THSD4: variants seen among roughly 807,000 people sequenced by gnomAD.
THSD4 encodes thrombospondin type 1 domain containing 4, also known as thrombospondin type-1 domain-containing protein 4.
THSD4 carries 69 observed loss-of-function variants against 119.0 expected under a neutral mutation model. The observed-to-expected ratio is 0.58, with a 90% CI of 0.48 to 0.71. The LOEUF (loss-of-function observed/expected upper bound fraction) is 0.71. Among genes scored for constraint, THSD4 ranks in the 30% least tolerant of loss-of-function variants. The probability of loss-of-function intolerance (pLI) is 0.00; values close to 1 mark genes in which losing one functional copy is unlikely to be tolerated. For missense variants in THSD4, 1,393 were observed against 1,391.1 expected (o/e 1.00, Z -0.02); for synonymous variants, 524 against 540.4 (o/e 0.97, Z 0.42).
At chr15:71,717,023 A>G (rs2052623866) in intron 8 of THSD4, among the ~76,000 whole-genome samples, 1 of 152,212 alleles carries the variant, frequency 6.6e-6, no homozygotes, top group Non-Finnish European at 1.5e-5. Context: ...TCTCTGTGCC[A>G]GGAGGAAGAT....
intron 7 of THSD4, among the ~76,000 whole-genome samples, chr15:71,585,658 A>G (rs2049652460): frequency 6.6e-6 from 1 of 152,096 alleles, no homozygotes. Context: ...TTATTTCTCT[A>G]AACAAGTTTT....
At chr15:71,186,090 G>A (rs2141431674) in intron 3 of THSD4, 1 of 152,276 alleles carries the variant, frequency 6.6e-6, no homozygotes, top group East Asian at 1.9e-4. Context: ...GGAAGAAATT[G>A]AGACTCAAAG....
At chr15:71,602,553 C>CAAAAAAAAAAAAAAAAAAAAAAAA (rs59370074) in intron 7 of THSD4, among the ~76,000 whole-genome samples, 1 of 53,878 alleles carries the variant, frequency 1.9e-5, no homozygotes, top group Admixed American at 3.2e-4. Flanking sequence ...AACTCTGTCT[C>CAAAAAAAAAAAAAAAAAAAAAAAA]AAAAAAAAAA....
intron 7 of THSD4, among the ~76,000 whole-genome samples, chr15:71,550,651 A>G (rs1202099520): frequency 6.6e-6 from 1 of 152,200 alleles, no homozygotes; most frequent in Non-Finnish European, 1.5e-5. Flanking sequence ...TGTGTTAGCC[A>G]GGATGGTCTC....
chr15:71,659,627 G>C (rs1035100988), intron 7 of THSD4, among the ~76,000 whole-genome samples: 1 of 152,082 alleles, frequency 6.6e-6, no homozygotes, highest in South Asian at 2.1e-4. Flanking sequence ...GCCCAGGCTG[G>C]TCTCAAAGTC....
intron 7 of THSD4, among the ~76,000 whole-genome samples, chr15:71,490,781 G>C (rs113656082): frequency 6.6e-6 from 1 of 151,982 alleles, no homozygotes; most frequent in Non-Finnish European, 1.5e-5. Context: ...GGCAAACTAC[G>C]GTCAATGGGC....
intron 1 of THSD4, among the ~76,000 whole-genome samples, chr15:71,127,669 T>C (rs941453423): frequency 2.0e-5 from 3 of 152,252 alleles, no homozygotes; most frequent in African/African-American, 7.2e-5. Flanking sequence ...AGGTTAGCAA[T>C]GTTGAGGATC....
At chr15:71,717,287 A>G (rs1370845359) in intron 8 of THSD4, among the ~76,000 whole-genome samples, 1 of 152,244 alleles carries the variant, frequency 6.6e-6, no homozygotes, top group Non-Finnish European at 1.5e-5. Flanking sequence ...GGTGAATGCC[A>G]TGGAATTCTA....
chr15:71,320,403 G>A (rs896801006), intron 6 of THSD4, among the ~76,000 whole-genome samples: 2 of 152,272 alleles, frequency 1.3e-5, no homozygotes, highest in East Asian at 3.9e-4. Flanking sequence ...CTCACGAGCA[G>A]GTCCATTTTC....
chr15:71,324,469 C>G (rs1402897225), intron 6 of THSD4, among the ~76,000 whole-genome samples: 3 of 152,062 alleles, frequency 2.0e-5, no homozygotes, highest in African/African-American at 7.2e-5. Context: ...CCCATCCTCC[C>G]CATTTTGAGT....
chr15:71,135,344 C>G (rs1211673724), intron 1 of THSD4, among the ~76,000 whole-genome samples: 2 of 145,558 alleles, frequency 1.4e-5, no homozygotes, highest in Non-Finnish European at 1.5e-5. Flanking sequence ...GCACATGTAC[C>G]CTAAAACTTA....
intron 7 of THSD4, among the ~76,000 whole-genome samples, chr15:71,531,575 T>A (rs1378818018): frequency 2.0e-5 from 3 of 152,230 alleles, no homozygotes; most frequent in Non-Finnish European, 4.4e-5. Context: ...TGCTGCAGAC[T>A]TGTCATGTGA....
chr15:71,105,259 C>A (rs1475040033), intron 1 of THSD4, among the ~76,000 whole-genome samples: 1 of 152,176 alleles, frequency 6.6e-6, no homozygotes, highest in Non-Finnish European at 1.5e-5. Context: ...ACCTTCTCAG[C>A]AATACTTTGC....
At chr15:71,457,854 C>T (rs2047362715) in intron 7 of THSD4, among the ~76,000 whole-genome samples, 1 of 152,212 alleles carries the variant, frequency 6.6e-6, no homozygotes, top group African/African-American at 2.4e-5. Flanking sequence ...CTGTCTTCCT[C>T]TCCAGAATGT....
chr15:71,427,633 G>A (rs1396870249), intron 7 of THSD4, among the ~76,000 whole-genome samples: 1 of 149,152 alleles, frequency 6.7e-6, no homozygotes, highest in East Asian at 2.0e-4. Flanking sequence ...CAGGATAGAA[G>A]TTGAGGTGAC....
chr15:71,760,300 A>G (rs558051100), intron 15 of THSD4, among the ~76,000 whole-genome samples: 7 of 152,302 alleles, frequency 4.6e-5, no homozygotes, highest in African/African-American at 1.4e-4. Flanking sequence ...GGCCCTACTG[A>G]GGCTTGTGCA....
At chr15:71,606,056 C>G (rs1484404066) in intron 7 of THSD4, among the ~76,000 whole-genome samples, 1 of 152,220 alleles carries the variant, frequency 6.6e-6, no homozygotes, top group African/African-American at 2.4e-5. Flanking sequence ...AAGGACTCAT[C>G]ATTGGCCATC....
intron 7 of THSD4, among the ~76,000 whole-genome samples, chr15:71,461,662 C>T (rs772155100): frequency 2.6e-5 from 4 of 152,100 alleles, no homozygotes; most frequent in Non-Finnish European, 4.4e-5. Context: ...CCTTTCCAAA[C>T]GTACTTAATA....
chr15:71,688,465 A>G (rs1174027945), intron 8 of THSD4, among the ~76,000 whole-genome samples: 2 of 152,228 alleles, frequency 1.3e-5, no homozygotes, highest in African/African-American at 4.8e-5. Context: ...AATGAAAAGT[A>G]AAATGCTAAT....
Sources: allele counts gnomAD v4.1 joint callset (sites outside exome capture counted in the v4.1 genomes callset), GRCh38; gene constraint gnomAD v4.1.1; transcripts MANE v1.5; gene names NCBI Gene and HGNC (gene_info 2026-07-23, HGNC 2026-07-21).